The following ACSL4 variants were observed in gnomAD, a reference collection of about 807,000 sequenced individuals.
The protein encoded by ACSL4 is acyl-CoA synthetase long chain family member 4, also known as long-chain-fatty-acid--CoA ligase 4.
A neutral mutation model predicts 49.1 loss-of-function variants in ACSL4; 9 were observed. The observed-to-expected ratio is 0.18, with a 90% confidence interval of 0.11 to 0.32. The LOEUF is 0.32. Among genes scored for constraint, ACSL4 ranks in the 10% least tolerant of loss-of-function variants. The pLI, the probability that ACSL4 is intolerant of heterozygous loss-of-function variation, is 1.00. For missense variants in ACSL4, 333 were observed against 493.7 expected (o/e 0.67, Z 3.08); for synonymous variants, 191 against 170.3 (o/e 1.12, Z -0.95).
intron 1 of ACSL4, among the ~76,000 whole-genome samples, chrX:109,713,576 A>C (rs890364279): frequency 9.0e-6 from 1 of 110,975 alleles, no homozygotes; most frequent in Non-Finnish European, 1.9e-5. Context: ...TTTGCTACAG[A>C]CAAAAAAAAA....
In ACSL4 at chrX:109,683,296, T is replaced by C. The variant is rs199837852; in HGVS notation, c.68A>G (p.His23Arg). The change falls in exon 3 of 16, where the codon CAC (histidine) becomes CGC (arginine). Residue 23 changes from histidine to arginine, a missense_variant. His to Arg is a conservative substitution (Grantham distance 29, BLOSUM62 0). Transcript: ENST00000672401. Reference protein sequence around the residue: ...KPGSPYRSVTHFDSLAVIDIP... With the variant: ...KPGSPYRSVTRFDSLAVIDIP... ...GTCTATTACAGCTAGTGAGTCGAAG[T>C]GTGTGACAGAGCGATATGGACTTCC... The C allele has an allele frequency of 4.5e-5, 55 of 1,210,453 alleles. No individual in the cohort carries two copies. The Admixed American group carries it at 6.8e-4, about 15-fold the overall frequency.
chrX:109,670,814 A>T (rs1044902210), intron 9 of ACSL4, among the ~76,000 whole-genome samples: 17 of 111,651 alleles, frequency 1.5e-4, no homozygotes, highest in East Asian at 1.1e-3. Context: ...TTTGGTGGAG[A>T]CGGGGTTTCG....
intron 2 of ACSL4, among the ~76,000 whole-genome samples, chrX:109,686,241 A>G (rs1924596719): frequency 9.0e-6 from 1 of 111,605 alleles, no homozygotes; most frequent in Admixed American, 9.5e-5. Flanking sequence ...TCACTTCCAA[A>G]CTTCTGGGTA....
chrX:109,730,761 G>A (rs778358828), intron 1 of ACSL4, among the ~76,000 whole-genome samples: 22 of 112,343 alleles, frequency 2.0e-4, no homozygotes, highest in Non-Finnish European at 3.8e-4. Context: ...CCACCTTCCG[G>A]GTTCACGCCA....
intron 1 of ACSL4, among the ~76,000 whole-genome samples, chrX:109,714,613 T>G (rs745661346): frequency 4.5e-4 from 49 of 109,753 alleles, no homozygotes; most frequent in African/African-American, 1.6e-3. Context: ...TTTTATACCG[T>G]TTTTTTTTAC....
At chrX:109,666,355 G>A (rs763935660) in intron 11 of ACSL4, among the ~76,000 whole-genome samples, 1 of 111,847 alleles carries the variant, frequency 8.9e-6, no homozygotes, top group Admixed American at 9.5e-5. Context: ...ATACATAGAG[G>A]TGAGACCAAG....
At chrX:109,701,548 CTT>C (rs751217404) in intron 1 of ACSL4, among the ~76,000 whole-genome samples, 12 of 82,486 alleles carry the variant, frequency 1.5e-4, no homozygotes, top group Middle Eastern at 6.8e-3. Flanking sequence ...TCTTCTTTTT[CTT>C]TTTTTTTTTT....
chrX:109,648,633 C>G (rs1397070854), intron 15 of ACSL4, among the ~76,000 whole-genome samples: 1 of 111,501 alleles, frequency 9.0e-6, no homozygotes, highest in Admixed American at 9.6e-5. Flanking sequence ...GATGCCCTCT[C>G]TCACCACTCC....
chrX:109,714,797 T>C (rs1926997743), intron 1 of ACSL4, among the ~76,000 whole-genome samples: 1 of 112,230 alleles, frequency 8.9e-6, no homozygotes, highest in African/African-American at 3.2e-5. Flanking sequence ...TTTCTGTAAG[T>C]ACACTCTATA....
At chrX:109,723,489 CT>C (rs1355248738) in intron 1 of ACSL4, among the ~76,000 whole-genome samples, 2 of 111,461 alleles carry the variant, frequency 1.8e-5, no homozygotes, top group Non-Finnish European at 3.8e-5. Flanking sequence ...CTCCCTCCCC[CT>C]CTCTTCCCCT....
chrX:109,668,726 A>C (rs369547780), intron 10 of ACSL4, among the ~76,000 whole-genome samples: 2 of 111,959 alleles, frequency 1.8e-5, no homozygotes, highest in East Asian at 5.6e-4. Context: ...TTTTTTAGTT[A>C]GAAATGACAT....
In ACSL4 at chrX:109,682,814, A is replaced by C; in HGVS notation, c.311T>G (p.Leu104Arg). The C allele has an allele frequency of 8.3e-7, 1 of 1,211,504 alleles. No individual in the cohort carries two copies. The highest frequency in any genetic ancestry group is 1.1e-6 in the Non-Finnish European group (1 of 895,129). ...AATGGTGTTCTTTGGTTTTAGTCCCAGTGCAGTGAGTCCACTACCAAAGTT... is the reference window on the plus strand; with the variant it reads ...AATGGTGTTCTTTGGTTTTAGTCCCCGTGCAGTGAGTCCACTACCAAAGTT... ...VNNFGSGLTA[L>R]GLKPKNTIAI... Residue 104 changes from leucine (L) to arginine (R), a missense_variant, in exon 4 of 16, where the codon CTG (leucine) becomes CGG (arginine). Physicochemically the swap from Leu to Arg is moderately radical, Grantham distance 102 (BLOSUM62 -2). Coordinates refer to ENST00000672401, the MANE Select transcript of ACSL4 (RefSeq NM_001318510.2).
intron 1 of ACSL4, among the ~76,000 whole-genome samples, chrX:109,732,259 G>C (rs1928520689): frequency 8.9e-6 from 1 of 111,953 alleles, no homozygotes; most frequent in Non-Finnish European, 1.9e-5. Flanking sequence ...TAGGTGAAAA[G>C]AGCGAATAGA....
chrX:109,673,905 A>G (rs147281564), intron 9 of ACSL4, among the ~76,000 whole-genome samples: 2 of 111,650 alleles, frequency 1.8e-5, no homozygotes, highest in African/African-American at 6.5e-5. Context: ...AGTATTTCAC[A>G]TGAAGATTCC....
At chrX:109,652,814 A>G (rs1921260032) in intron 15 of ACSL4, among the ~76,000 whole-genome samples, 2 of 111,351 alleles carry the variant, frequency 1.8e-5, no homozygotes, top group Admixed American at 1.9e-4. Context: ...ATTATGTCAC[A>G]CTATTTTTGT....
intron 15 of ACSL4, among the ~76,000 whole-genome samples, chrX:109,651,989 AAAAC>A (rs2147369708): frequency 8.9e-6 from 1 of 111,857 alleles, no homozygotes; most frequent in South Asian, 3.7e-4. Flanking sequence ...AAAAACAAAC[AAAAC>A]AAACAAAAAT....
chrX:109,690,832 A>G (rs971267914), intron 2 of ACSL4, among the ~76,000 whole-genome samples: 3 of 109,951 alleles, frequency 2.7e-5, no homozygotes, highest in Non-Finnish European at 3.8e-5. Flanking sequence ...ATTTTATTTT[A>G]TTTTTTTGTT....
chrX:109,672,424 G>T (rs752424057), intron 9 of ACSL4, among the ~76,000 whole-genome samples: 1 of 111,633 alleles, frequency 9.0e-6, no homozygotes, highest in East Asian at 2.8e-4. Context: ...TAATACAGTT[G>T]TAACACATTG....
chrX:109,729,825 G>A (rs746632277), intron 1 of ACSL4, among the ~76,000 whole-genome samples: 16 of 111,902 alleles, frequency 1.4e-4, no homozygotes, highest in Non-Finnish European at 2.6e-4. Flanking sequence ...TAATCTCCAA[G>A]GAATTATGCT....
Sources: gnomAD v4.1 joint callset for allele counts (sites outside exome capture counted in the v4.1 genomes callset) on GRCh38, gnomAD v4.1.1 for gene constraint, MANE v1.5 for transcripts, NCBI Gene and HGNC (gene_info 2026-07-23, HGNC 2026-07-21) for gene names.